Variants in OPCML observed in about 807,000 individuals in gnomAD.
The protein encoded by OPCML is opioid-binding protein/cell adhesion molecule.
Under a neutral mutation model 37.8 loss-of-function variants are expected in OPCML, and 13 were observed. That is an observed-to-expected ratio of 0.34 (90% CI 0.22 to 0.55). OPCML has a LOEUF of 0.55. OPCML is among the 20% of genes least tolerant of loss of function. The pLI is 0.91. For missense variants in OPCML, 341 were observed against 435.6 expected (o/e 0.78, Z 1.93); for synonymous variants, 176 against 168.8 (o/e 1.04, Z -0.33).
At chr11:133,429,735 A>C (rs1264297642) in intron 1 of OPCML, among the ~76,000 whole-genome samples, 1 of 152,144 alleles carries the variant, frequency 6.6e-6, no homozygotes, top group Non-Finnish European at 1.5e-5. Context: ...GAAGGATGTA[A>C]GTTTCCATTA....
At chr11:132,908,184 G>A (rs1245037359) in intron 2 of OPCML, among the ~76,000 whole-genome samples, 6 of 152,144 alleles carry the variant, frequency 3.9e-5, no homozygotes, top group Non-Finnish European at 8.8e-5. Context: ...AATACGGCCT[G>A]ACTAATAACA....
intron 1 of OPCML, among the ~76,000 whole-genome samples, chr11:133,217,555 C>A (rs1939635826): frequency 6.6e-6 from 1 of 152,198 alleles, no homozygotes; most frequent in African/African-American, 2.4e-5. Flanking sequence ...CTCTGCCCCA[C>A]ACGAGAGCCC....
intron 2 of OPCML, among the ~76,000 whole-genome samples, chr11:132,696,218 A>G (rs1943593552): frequency 6.6e-6 from 1 of 152,220 alleles, no homozygotes; most frequent in Non-Finnish European, 1.5e-5. Flanking sequence ...CTGCCCATAA[A>G]TGAGCTTAAT....
intron 1 of OPCML, among the ~76,000 whole-genome samples, chr11:132,996,480 T>C (rs1946887970): frequency 6.6e-6 from 1 of 150,468 alleles, no homozygotes; most frequent in Admixed American, 6.6e-5. Flanking sequence ...ATACAAAAAT[T>C]AGCTGGGCGT....
chr11:133,340,407 C>T (rs1267782230), intron 1 of OPCML, among the ~76,000 whole-genome samples: 1 of 152,184 alleles, frequency 6.6e-6, no homozygotes, highest in Non-Finnish European at 1.5e-5. Context: ...ACTGTTCCAC[C>T]TTGAATTCAT....
chr11:133,435,062 T>G (rs1240294838), intron 1 of OPCML, among the ~76,000 whole-genome samples: 3 of 151,902 alleles, frequency 2.0e-5, no homozygotes, highest in Non-Finnish European at 4.4e-5. Flanking sequence ...ATAGAGTTTA[T>G]GTTAATGGCC....
intron 2 of OPCML, among the ~76,000 whole-genome samples, chr11:132,808,274 G>GA (rs1939132140): frequency 6.6e-6 from 1 of 152,216 alleles, no homozygotes; most frequent in Non-Finnish European, 1.5e-5. Flanking sequence ...AGCACGGTGG[G>GA]AATGTAAGTG....
chr11:133,148,392 C>T (rs1949927822), intron 1 of OPCML, among the ~76,000 whole-genome samples: 1 of 152,216 alleles, frequency 6.6e-6, no homozygotes, highest in South Asian at 2.1e-4. Context: ...CCCCTGTCGC[C>T]TCCAGATATC....
chr11:132,499,402 C>T (rs2096241058), intron 4 of OPCML, among the ~76,000 whole-genome samples: 1 of 152,160 alleles, frequency 6.6e-6, no homozygotes, highest in South Asian at 2.1e-4. Context: ...GGGGTCTTGC[C>T]TCATCACTAT....
In OPCML at chr11:132,495,542, G is replaced by T. The variant is rs1467537093; in HGVS notation, c.505+33519C>A. On this transcript the variant is annotated intron_variant, in intron 4 of 7. Transcript: ENST00000524381. ...ATTTTGCAAGGATACCCTCACACAG[G>T]ACTGTAAAATTATTTGAGGCTTATA... is the stretch of plus-strand genomic sequence containing the variant. Among the ~76,000 whole-genome samples the T allele has an allele frequency of 1.7e-4, 26 of 152,142 alleles. 1 individual carries two copies. The highest frequency in any genetic ancestry group is 6.5e-5 in the Admixed American group (1 of 15,274).
At chr11:132,914,215 G>A (rs943005835) in intron 2 of OPCML, among the ~76,000 whole-genome samples, 2 of 152,220 alleles carry the variant, frequency 1.3e-5, no homozygotes, top group African/African-American at 4.8e-5. Context: ...AAAGAGAACT[G>A]CCTTGTGGCC....
chr11:133,024,196 G>A (rs865832814), intron 1 of OPCML, among the ~76,000 whole-genome samples: 11 of 152,166 alleles, frequency 7.2e-5, no homozygotes, highest in African/African-American at 1.9e-4. Flanking sequence ...TGGAGACAGC[G>A]AGTAGGAAGG....
At chr11:133,451,513 GAT>G (rs1946579434) in intron 1 of OPCML, among the ~76,000 whole-genome samples, 2 of 151,590 alleles carry the variant, frequency 1.3e-5, no homozygotes, top group African/African-American at 4.9e-5. Flanking sequence ...CCAGAAAAAA[GAT>G]ATACACAAAG....
chr11:132,993,875 T>G (rs1946827714), intron 1 of OPCML, among the ~76,000 whole-genome samples: 1 of 152,128 alleles, frequency 6.6e-6, no homozygotes, highest in Non-Finnish European at 1.5e-5. Flanking sequence ...TTTGAAATCC[T>G]TTCTACCTCT....
At chr11:133,246,556 G>A (rs2136423462) in intron 1 of OPCML, among the ~76,000 whole-genome samples, 1 of 152,302 alleles carries the variant, frequency 6.6e-6, no homozygotes, top group African/African-American at 2.4e-5. Context: ...GGGTGAGAAT[G>A]CACACTGTGT....
chr11:132,515,429 T>C (rs1207958269), intron 4 of OPCML, among the ~76,000 whole-genome samples: 2 of 152,322 alleles, frequency 1.3e-5, no homozygotes, highest in East Asian at 1.9e-4. Flanking sequence ...TTAGGTGTTC[T>C]GTGGGAGATC....
At chr11:132,614,782 G>A (rs1379653043) in intron 3 of OPCML, among the ~76,000 whole-genome samples, 1 of 152,190 alleles carries the variant, frequency 6.6e-6, no homozygotes, top group Non-Finnish European at 1.5e-5. Context: ...AAAAGAGGTT[G>A]TATCTAAGAG....
chr11:132,647,513 T>C (rs1408465244), intron 3 of OPCML, among the ~76,000 whole-genome samples: 4 of 152,226 alleles, frequency 2.6e-5, no homozygotes, highest in Non-Finnish European at 5.9e-5. Flanking sequence ...GATTAATGTA[T>C]ATTTTGTATT....
chr11:132,818,192 A>C (rs1206489271), intron 2 of OPCML, among the ~76,000 whole-genome samples: 1 of 152,138 alleles, frequency 6.6e-6, no homozygotes, highest in Non-Finnish European at 1.5e-5. Context: ...AGTAGAGAAG[A>C]TCCTTGATTC....
Sources: gnomAD v4.1 joint callset for allele counts (sites outside exome capture counted in the v4.1 genomes callset) on GRCh38, gnomAD v4.1.1 for gene constraint, MANE v1.5 for transcripts, NCBI Gene and HGNC (gene_info 2026-07-23, HGNC 2026-07-21) for gene names.